The following GALNT17 variants were observed in gnomAD, a reference collection of about 807,000 sequenced individuals.
The protein encoded by GALNT17 is polypeptide N-acetylgalactosaminyltransferase 17.
Under a neutral mutation model 63.7 loss-of-function variants are expected in GALNT17, and 29 were observed. The ratio of observed to expected loss-of-function variants is 0.46; its 90% CI spans 0.34 to 0.62. The LOEUF (loss-of-function observed/expected upper bound fraction) is 0.62. Ranked by LOEUF, GALNT17 falls within the 20% of genes least tolerant of loss-of-function variation. GALNT17 has a pLI of 0.01. For missense variants in GALNT17, 603 were observed against 799.6 expected, an observed-to-expected ratio of 0.75 and a Z score of 2.97; for synonymous variants, 305 against 318.3, an observed-to-expected ratio of 0.96 and a Z score of 0.45.
intron 2 of GALNT17, among the ~76,000 whole-genome samples, chr7:71,378,164 G>A (rs766050000): frequency 1.3e-5 from 2 of 152,148 alleles, no homozygotes; most frequent in South Asian, 2.1e-4. Flanking sequence ...CAGTTTGTAC[G>A]GGAGACTGCT....
At chr7:71,386,621 A>C (rs952082421) in intron 2 of GALNT17, among the ~76,000 whole-genome samples, 5 of 152,174 alleles carry the variant, frequency 3.3e-5, no homozygotes, top group South Asian at 2.1e-4. Context: ...AGCCGTGGAG[A>C]AGGCCAAAGC....
chr7:71,419,449 A>G (rs537975743), intron 4 of GALNT17, among the ~76,000 whole-genome samples: 1 of 152,362 alleles, frequency 6.6e-6, no homozygotes, highest in Admixed American at 6.5e-5. Context: ...AGCACTAGTA[A>G]GTGCTTAATA....
chr7:71,264,567 G>C (rs1790452557), intron 1 of GALNT17, among the ~76,000 whole-genome samples: 1 of 152,104 alleles, frequency 6.6e-6, no homozygotes, highest in Non-Finnish European at 1.5e-5. Flanking sequence ...CAAAGGTATA[G>C]AATCAAACTA....
intron 5 of GALNT17, among the ~76,000 whole-genome samples, chr7:71,501,885 G>A (rs1399897906): frequency 6.6e-6 from 1 of 151,988 alleles, no homozygotes; most frequent in Non-Finnish European, 1.5e-5. Flanking sequence ...TGTCCTCAGG[G>A]TGGCAAAGAC....
At chr7:71,563,463 C>T (rs1163111019) in intron 5 of GALNT17, among the ~76,000 whole-genome samples, 1 of 152,210 alleles carries the variant, frequency 6.6e-6, no homozygotes, top group Non-Finnish European at 1.5e-5. Flanking sequence ...CCTCCCCAGT[C>T]AGAGGACAAG....
chr7:71,424,540 T>C (rs16869441), intron 5 of GALNT17, among the ~76,000 whole-genome samples: 2,589 of 152,338 alleles, frequency 0.017, 53 homozygotes, highest in East Asian at 0.12. Context: ...ATATGCACTT[T>C]AAAAAGACTC....
At chr7:71,525,736 C>CTT (rs71089950) in intron 5 of GALNT17, among the ~76,000 whole-genome samples, 74 of 75,040 alleles carry the variant, frequency 9.9e-4, no homozygotes, top group African/African-American at 1.1e-3. Context: ...TATGTCTTTT[C>CTT]TTTTTTTTTT....
chr7:71,214,909 A>G (rs1354065031), intron 1 of GALNT17, among the ~76,000 whole-genome samples: 3 of 152,132 alleles, frequency 2.0e-5, no homozygotes, highest in Non-Finnish European at 4.4e-5. Flanking sequence ...ACCCTTCAAT[A>G]TGAAGATTAG....
intron 1 of GALNT17, among the ~76,000 whole-genome samples, chr7:71,137,810 A>G (rs1667349821): frequency 6.6e-6 from 1 of 152,224 alleles, no homozygotes. Flanking sequence ...TGATTTCATA[A>G]CATGAATATG....
chr7:71,380,978 T>A (rs1792835113), intron 2 of GALNT17, among the ~76,000 whole-genome samples: 2 of 151,070 alleles, frequency 1.3e-5, no homozygotes, highest in Non-Finnish European at 1.5e-5. Flanking sequence ...TTTTTTTTTT[T>A]AAGACAGGAT....
chr7:71,292,477 T>C (rs1790994833), intron 1 of GALNT17, among the ~76,000 whole-genome samples: 1 of 152,228 alleles, frequency 6.6e-6, no homozygotes, highest in Non-Finnish European at 1.5e-5. Flanking sequence ...GTAGTCTGAA[T>C]GTGAACTGAG....
intron 5 of GALNT17, among the ~76,000 whole-genome samples, chr7:71,514,327 T>A (rs1477286827): frequency 1.3e-5 from 2 of 151,808 alleles, no homozygotes; most frequent in African/African-American, 2.4e-5. Context: ...CCCAAAGAGG[T>A]AGACGCTAGC....
chr7:71,692,541 C>A (rs1222827620), intron 9 of GALNT17, among the ~76,000 whole-genome samples: 1 of 151,992 alleles, frequency 6.6e-6, no homozygotes, highest in Non-Finnish European at 1.5e-5. Context: ...GTAGCCTCAT[C>A]CCTGACTGCT....
chr7:71,612,997 C>T (rs934451507), intron 6 of GALNT17, among the ~76,000 whole-genome samples: 12 of 152,262 alleles, frequency 7.9e-5, no homozygotes, highest in African/African-American at 2.4e-4. Context: ...AGGTGGTTAA[C>T]GGCCCCCCTC....
At chr7:71,504,200 C>T (rs1450558937) in intron 5 of GALNT17, among the ~76,000 whole-genome samples, 3 of 149,568 alleles carry the variant, frequency 2.0e-5, no homozygotes, top group Non-Finnish European at 4.4e-5. Flanking sequence ...GCACTCCAGC[C>T]TGGGTGACAG....
chr7:71,211,234 G>A (rs1789371552), intron 1 of GALNT17, among the ~76,000 whole-genome samples: 2 of 152,088 alleles, frequency 1.3e-5, no homozygotes, highest in African/African-American at 4.8e-5. Flanking sequence ...GAATCATGGG[G>A]GCTGGTTTTT....
intron 5 of GALNT17, among the ~76,000 whole-genome samples, chr7:71,497,982 A>G (rs1339093301): frequency 6.6e-6 from 1 of 152,248 alleles, no homozygotes. Context: ...ATGTTTTTCA[A>G]AAAAGAAAAA....
intron 1 of GALNT17, among the ~76,000 whole-genome samples, chr7:71,304,022 A>G (rs1254239935): frequency 1.3e-5 from 2 of 152,202 alleles, no homozygotes; most frequent in African/African-American, 4.8e-5. Context: ...CAATTAAAAT[A>G]CTAAATAAGC....
At chr7:71,566,806 C>T (rs2116868503) in intron 5 of GALNT17, among the ~76,000 whole-genome samples, 1 of 152,170 alleles carries the variant, frequency 6.6e-6, no homozygotes, top group South Asian at 2.1e-4. Flanking sequence ...CACAAAGGAC[C>T]CTCCTGTAAC....
Sources: gnomAD v4.1 joint callset for allele counts (sites outside exome capture counted in the v4.1 genomes callset) on GRCh38, gnomAD v4.1.1 for gene constraint, MANE v1.5 for transcripts, NCBI Gene and HGNC (gene_info 2026-07-23, HGNC 2026-07-21) for gene names.